Variants in HDAC9 observed in about 807,000 individuals in gnomAD.
HDAC9 encodes the protein histone deacetylase 9.
A neutral mutation model predicts 139.4 loss-of-function variants in HDAC9; 41 were observed. The ratio of observed to expected loss-of-function variants is 0.29; its 90% CI spans 0.23 to 0.38. HDAC9 has a LOEUF of 0.38. Among genes scored for constraint, HDAC9 ranks in the 10% least tolerant of loss-of-function variants. HDAC9 has a pLI of 1.00. For missense variants in HDAC9, 1,147 were observed against 1,297.0 expected (o/e 0.88, Z 1.78); for synonymous variants, 517 against 476.2 (o/e 1.09, Z -1.12).
intron 16 of HDAC9, among the ~76,000 whole-genome samples, chr7:18,786,467 TTTCGTCCTTC>T (rs1791735990): frequency 4.3e-5 from 1 of 23,438 alleles, no homozygotes; most frequent in Non-Finnish European, 2.4e-4. Context: ...CCTTCCTTCC[TTTCGTCCTTC>T]CTTCCTTTCT....
chr7:18,973,507 C>T (rs1784374286), intron 24 of HDAC9, among the ~76,000 whole-genome samples: 1 of 152,098 alleles, frequency 6.6e-6, no homozygotes, highest in South Asian at 2.1e-4. Context: ...AGCGGACACC[C>T]ATGTCAACAG....
intron 6 of HDAC9, among the ~76,000 whole-genome samples, chr7:18,608,378 C>G (rs1285849210): frequency 2.0e-5 from 3 of 152,006 alleles, no homozygotes; most frequent in Non-Finnish European, 2.9e-5. Context: ...GATTTTTTAT[C>G]AAGTGACTTT....
chr7:18,980,126 C>A (rs1784803996), intron 25 of HDAC9, among the ~76,000 whole-genome samples: 1 of 152,056 alleles, frequency 6.6e-6, no homozygotes, highest in Admixed American at 6.6e-5. Context: ...CTTCCCAGGG[C>A]CATCATTTTA....
chr7:18,198,850 T>C (rs149468481), intron 2 of HDAC9, among the ~76,000 whole-genome samples: 91 of 152,324 alleles, frequency 6.0e-4, no homozygotes, highest in African/African-American at 1.9e-3. Context: ...ATTAGACTAC[T>C]AGCACTAACA....
intron 1 of HDAC9, among the ~76,000 whole-genome samples, chr7:18,383,803 G>A (rs1785658800): frequency 6.6e-6 from 1 of 151,346 alleles, no homozygotes; most frequent in African/African-American, 2.4e-5. Context: ...GCAGGAGAAT[G>A]GCGTGAACCC....
At chr7:18,935,317 C>A (rs537266327) in intron 22 of HDAC9, among the ~76,000 whole-genome samples, 1 of 152,022 alleles carries the variant, frequency 6.6e-6, no homozygotes, top group Non-Finnish European at 1.5e-5. Context: ...CTTATAAAAT[C>A]TAATGTAATA....
At chr7:18,275,870 G>C (rs1047374815) in intron 2 of HDAC9, among the ~76,000 whole-genome samples, 1 of 152,024 alleles carries the variant, frequency 6.6e-6, no homozygotes, top group Admixed American at 6.6e-5. Context: ...ATTTACCTCT[G>C]TTTAGTGTAC....
intron 17 of HDAC9, among the ~76,000 whole-genome samples, chr7:18,804,483 TA>T (rs1307477381): frequency 6.6e-6 from 1 of 152,168 alleles, no homozygotes; most frequent in Non-Finnish European, 1.5e-5. Flanking sequence ...GCAACGGTGG[TA>T]AGTGCTGATT....
At chr7:18,528,561 G>A (rs1654586205) in intron 2 of HDAC9, among the ~76,000 whole-genome samples, 1 of 151,894 alleles carries the variant, frequency 6.6e-6, no homozygotes, top group Non-Finnish European at 1.5e-5. Flanking sequence ...ACTTTTCAGG[G>A]CATTAAAAAT....
intron 21 of HDAC9, among the ~76,000 whole-genome samples, chr7:18,846,983 T>C (rs1373962052): frequency 1.3e-5 from 2 of 152,170 alleles, no homozygotes; most frequent in Non-Finnish European, 2.9e-5. Flanking sequence ...AAACCAGAAC[T>C]GAGCTAGGCC....
chr7:18,952,691 A>G (rs1157377289), intron 23 of HDAC9, among the ~76,000 whole-genome samples: 7 of 152,130 alleles, frequency 4.6e-5, no homozygotes, highest in African/African-American at 1.7e-4. Flanking sequence ...CTGAGTTAAG[A>G]GAGTGTTACT....
At chr7:18,995,960 G>T in intron 25 of HDAC9, 63 bp from the exon 26 acceptor site, 1 of 1,285,290 alleles carries the variant, frequency 7.8e-7, no homozygotes, top group Admixed American at 2.0e-5. Flanking sequence ...GATTATGCAT[G>T]AAAATCTACA....
At chr7:18,846,107 T>C (rs1796887414) in intron 21 of HDAC9, among the ~76,000 whole-genome samples, 1 of 152,222 alleles carries the variant, frequency 6.6e-6, no homozygotes, top group East Asian at 1.9e-4. Context: ...TTATCTTAGC[T>C]GAGATCATTC....
chr7:18,332,531 C>T (rs1317893009), intron 1 of HDAC9, among the ~76,000 whole-genome samples: 2 of 151,258 alleles, frequency 1.3e-5, no homozygotes, highest in Non-Finnish European at 3.0e-5. Flanking sequence ...GTAATTGGTC[C>T]AATAAAAGAG....
intron 14 of HDAC9, among the ~76,000 whole-genome samples, chr7:18,761,102 T>G (rs936247713): frequency 1.3e-5 from 2 of 152,208 alleles, no homozygotes; most frequent in African/African-American, 2.4e-5. Flanking sequence ...TATTTTTAAG[T>G]GAAATATTAA....
At chr7:18,089,267 G>GTTGACT (rs1247548845) in intron 1 of HDAC9, among the ~76,000 whole-genome samples, 5 of 152,024 alleles carry the variant, frequency 3.3e-5, no homozygotes, top group Non-Finnish European at 7.4e-5. Context: ...AGCCTGTTGG[G>GTTGACT]CTGGCCTTTA....
chr7:18,547,393 G>A (rs1465592446), intron 2 of HDAC9, among the ~76,000 whole-genome samples: 4 of 152,124 alleles, frequency 2.6e-5, no homozygotes, highest in East Asian at 1.9e-4. Flanking sequence ...CTGCAACCCC[G>A]CCCGGCTAAT....
In HDAC9 at chr7:18,835,667, G is replaced by C. The variant is rs760469498; in HGVS notation, c.2586+81G>C. 3.2e-6 allele frequency: 5 copies of C among 1,560,788 alleles called. No individual in the cohort carries two copies. The South Asian group carries it at 3.3e-5, about 10-fold the overall frequency. The stretch of plus-strand genomic sequence containing the variant: ...TTGCATGATTACCCCTAATTTTCTT[G>C]TCCTTTGCTGGTGTTTTAAATTACA... On this transcript the variant is annotated intron_variant, in intron 20 of 25. Coordinates refer to ENST00000686413, the MANE Select transcript of HDAC9 (RefSeq NM_178425.4).
At position 18,666,228 on chromosome 7, in the gene HDAC9, A is replaced by G. The variant is rs775249549; in HGVS notation, c.1483A>G (p.Ile495Val). The G allele has an allele frequency of 1.4e-5, 23 of 1,612,048 alleles. No homozygotes were observed. Among genetic ancestry groups the G allele is most frequent in the East Asian group, 2.2e-5 (1 of 44,774 alleles). Reference protein sequence around the residue: ...IHMNKLLSKSIEQLKQPGSHL... With the variant: ...IHMNKLLSKSVEQLKQPGSHL... Reference sequence around the variant, plus strand: ...TCTCTTCTAGCTGCTTTCGAAATCTATTGAACAACTGAAGCAACCAGGCAG... The same window carrying G: ...TCTCTTCTAGCTGCTTTCGAAATCTGTTGAACAACTGAAGCAACCAGGCAG... Residue 495 changes from isoleucine to valine, a missense_variant, in exon 12 of 26, where the codon ATT (isoleucine) becomes GTT (valine). Coordinates refer to ENST00000686413, the MANE Select transcript of HDAC9 (RefSeq NM_178425.4).
Sources: allele counts gnomAD v4.1 joint callset (sites outside exome capture counted in the v4.1 genomes callset), GRCh38; gene constraint gnomAD v4.1.1; transcripts MANE v1.5; gene names NCBI Gene and HGNC (gene_info 2026-07-23, HGNC 2026-07-21).